Variants in BCKDHB observed in about 807,000 individuals in gnomAD.
BCKDHB encodes branched chain keto acid dehydrogenase E1 subunit beta, also known as 2-oxoisovalerate dehydrogenase subunit beta, mitochondrial.
Under a neutral mutation model 48.5 loss-of-function variants are expected in BCKDHB, and 41 were observed. The observed-to-expected ratio is 0.85, with a 90% CI of 0.66 to 1.10. BCKDHB has a LOEUF of 1.10. BCKDHB is among the 50% of genes least tolerant of loss of function. The pLI, the probability that BCKDHB is intolerant of heterozygous loss-of-function variation, is 0.00. For synonymous variants in BCKDHB, 201 were observed against 174.8 expected (o/e 1.15, Z -1.18); for missense variants, 496 against 494.2 (o/e 1.00, Z -0.03).
chr6:80,430,284 T>C, the BCKDHB span, among the ~76,000 whole-genome samples: 7 of 152,218 alleles, frequency 4.6e-5, no homozygotes, highest in African/African-American at 7.2e-5. Flanking sequence ...TTATTGAGGA[T>C]TTCTGCGTTG....
intron 9 of BCKDHB, among the ~76,000 whole-genome samples, chr6:80,330,719 A>G (rs1490337553): frequency 3.4e-5 from 2 of 58,746 alleles, no homozygotes; most frequent in Non-Finnish European, 9.2e-5. Flanking sequence ...GGTATGAAAT[A>G]TAACTGTTGA....
chr6:80,141,650 A>C (rs188648904), intron 3 of BCKDHB, among the ~76,000 whole-genome samples: 5 of 152,142 alleles, frequency 3.3e-5, no homozygotes, highest in Admixed American at 2.0e-4. Context: ...ATAGGCTTGG[A>C]TTAAAGTGAA....
At chr6:80,215,310 C>T (rs553733866) in intron 8 of BCKDHB, among the ~76,000 whole-genome samples, 1 of 152,276 alleles carries the variant, frequency 6.6e-6, no homozygotes, top group Non-Finnish European at 1.5e-5. Context: ...GTCATTCTTC[C>T]TGTAGGATTT....
chr6:80,366,406 G>A, the BCKDHB span, among the ~76,000 whole-genome samples: 1 of 152,076 alleles, frequency 6.6e-6, no homozygotes, highest in Admixed American at 6.5e-5. Context: ...TGCAACCCTA[G>A]CACATGCTCA....
chr6:80,321,025 C>T (rs1218140944), intron 9 of BCKDHB, among the ~76,000 whole-genome samples: 1 of 152,102 alleles, frequency 6.6e-6, no homozygotes, highest in South Asian at 2.1e-4. Context: ...ATACCAAGAA[C>T]ACCCAGGATA....
the BCKDHB span, among the ~76,000 whole-genome samples, chr6:80,387,299 A>C: frequency 1.3e-5 from 2 of 152,166 alleles, no homozygotes; most frequent in Non-Finnish European, 2.9e-5. Flanking sequence ...TGGCTCCCTG[A>C]CTGGCAGAGT....
chr6:80,107,532 T>TATATATATGTGCGC (rs1370591705), intron 1 of BCKDHB, among the ~76,000 whole-genome samples: 1 of 88,880 alleles, frequency 1.1e-5, no homozygotes, highest in Non-Finnish European at 2.4e-5. Context: ...TATATATGCA[T>TATATATATGTGCGC]ATATATATAT....
chr6:80,242,066 C>G (rs939892964), intron 8 of BCKDHB, among the ~76,000 whole-genome samples: 3 of 151,964 alleles, frequency 2.0e-5, no homozygotes, highest in African/African-American at 4.8e-5. Context: ...TTTCTGTGGT[C>G]AAATTTATTC....
chr6:80,414,371 C>T, the BCKDHB span, among the ~76,000 whole-genome samples: 1 of 151,928 alleles, frequency 6.6e-6, no homozygotes, highest in Non-Finnish European at 1.5e-5. Context: ...TTTTTCAGTT[C>T]CTATTTCCAG....
chr6:80,267,613 A>G (rs1777568104), intron 8 of BCKDHB, among the ~76,000 whole-genome samples: 1 of 152,106 alleles, frequency 6.6e-6, no homozygotes, highest in Non-Finnish European at 1.5e-5. Context: ...ACTATTAGAA[A>G]GCAAGTTGGA....
the BCKDHB span, among the ~76,000 whole-genome samples, chr6:80,361,985 A>G: frequency 1.3e-5 from 2 of 152,016 alleles, no homozygotes; most frequent in African/African-American, 4.8e-5. Flanking sequence ...TTAAAGCATT[A>G]TATTTATTTA....
intron 8 of BCKDHB, among the ~76,000 whole-genome samples, chr6:80,228,002 T>C (rs1209768891): frequency 6.6e-6 from 1 of 152,144 alleles, no homozygotes; most frequent in South Asian, 2.1e-4. Flanking sequence ...GACATTGGGG[T>C]ACACACTGAG....
At chr6:80,147,343 C>T (rs1365127311) in intron 3 of BCKDHB, among the ~76,000 whole-genome samples, 1 of 152,020 alleles carries the variant, frequency 6.6e-6, no homozygotes, top group South Asian at 2.1e-4. Context: ...GTTTTGTGTT[C>T]TCTTTGAAGA....
At position 80,284,645 on chromosome 6, in the gene BCKDHB, A is replaced by C. The variant is rs926412616; in HGVS notation, c.1038+11424A>C. On this transcript the variant is annotated intron_variant, in intron 9 of 9. Coordinates refer to ENST00000320393, the MANE Select transcript of BCKDHB (RefSeq NM_183050.4). ...TCTTTATCAAAATTATTAGCTGAAAAGGATATAATTCATGACTGTTCTTTA... is the reference window on the plus strand; with the variant it reads ...TCTTTATCAAAATTATTAGCTGAAACGGATATAATTCATGACTGTTCTTTA... Among the ~76,000 whole-genome samples the C allele has an allele frequency of 2.6e-5, 4 of 152,256 alleles. No individual in the cohort carries two copies. The South Asian group carries it at 6.2e-4, about 24-fold the overall frequency.
chr6:80,219,932 C>T (rs570632194), intron 8 of BCKDHB, among the ~76,000 whole-genome samples: 1 of 152,096 alleles, frequency 6.6e-6, no homozygotes, highest in Admixed American at 6.5e-5. Context: ...GTTTGTTTTT[C>T]TGGAAGCTTT....
At chr6:80,112,652 A>G (rs553094911) in intron 1 of BCKDHB, among the ~76,000 whole-genome samples, 1 of 152,302 alleles carries the variant, frequency 6.6e-6, no homozygotes, top group East Asian at 1.9e-4. Context: ...AGACTGTCCC[A>G]TTGTCACCTG....
chr6:80,160,566 T>G (rs1772263183), intron 3 of BCKDHB, among the ~76,000 whole-genome samples: 1 of 152,208 alleles, frequency 6.6e-6, no homozygotes, highest in Non-Finnish European at 1.5e-5. Context: ...ATTTTACCCA[T>G]TTCTAATTGC....
rs185915417 is a variant in BCKDHB, at chr6:80,297,272, G to A, written c.1038+24051G>A. 2.7e-3 allele frequency among the ~76,000 whole-genome samples: 413 copies of A among 152,208 alleles called. 2 individuals carry two copies. The highest frequency in any genetic ancestry group is 9.2e-3 in the African/African-American group (382 of 41,530). ...CTGACCTGCCTAATTTGGACCAAAT[G>A]TTTAAATTTTGAAGATATCTTTATT... On this transcript the variant is annotated intron_variant, in intron 9 of 9. Transcript: ENST00000320393.
chr6:80,288,332 A>ATTTCAT (rs3840382), intron 9 of BCKDHB, among the ~76,000 whole-genome samples: 120,635 of 151,300 alleles, frequency 0.8, 48,257 homozygotes, highest in Admixed American at 0.87. Context: ...ATTGTTAAGC[A>ATTTCAT]TTTATTATTT....
Sources: gnomAD v4.1 joint callset for allele counts (sites outside exome capture counted in the v4.1 genomes callset) on GRCh38, gnomAD v4.1.1 for gene constraint, MANE v1.5 for transcripts, NCBI Gene and HGNC (gene_info 2026-07-23, HGNC 2026-07-21) for gene names.